The following MTHFD1L variants were observed in gnomAD, a reference collection of about 807,000 sequenced individuals.
MTHFD1L encodes monofunctional C1-tetrahydrofolate synthase, mitochondrial.
MTHFD1L carries 81 observed loss-of-function variants against 119.5 expected under a neutral mutation model. The ratio of observed to expected loss-of-function variants is 0.68; its 90% CI spans 0.57 to 0.82. MTHFD1L has a LOEUF of 0.82. Among genes scored for constraint, MTHFD1L ranks in the 40% least tolerant of loss-of-function variants. The pLI, the probability that MTHFD1L is intolerant of heterozygous loss-of-function variation, is 0.00. For synonymous variants in MTHFD1L, 430 were observed against 475.2 expected (o/e 0.90, Z 1.24); for missense variants, 1,125 against 1,253.4 (o/e 0.90, Z 1.55).
chr6:150,902,417 T>G (rs954965347), intron 7 of MTHFD1L, among the ~76,000 whole-genome samples: 1 of 152,164 alleles, frequency 6.6e-6, no homozygotes, highest in Non-Finnish European at 1.5e-5. Context: ...AAGCAATAAT[T>G]TGTTATGAGA....
intron 24 of MTHFD1L, among the ~76,000 whole-genome samples, chr6:151,027,636 T>C (rs531971483): frequency 6.6e-6 from 1 of 152,106 alleles, no homozygotes; most frequent in African/African-American, 2.4e-5. Flanking sequence ...TTGGCTTTTT[T>C]TTTTTTTTTC....
chr6:150,928,732 C>T (rs1014414737), intron 11 of MTHFD1L, among the ~76,000 whole-genome samples: 12 of 151,788 alleles, frequency 7.9e-5, no homozygotes, highest in East Asian at 2.0e-4. Context: ...TTTATAGAGA[C>T]GGGGTTTCGC....
intron 19 of MTHFD1L, 139 bp downstream of exon 19, chr6:150,965,176 A>T: frequency 1.4e-6 from 1 of 704,814 alleles, no homozygotes; most frequent in Admixed American, 2.2e-5. Flanking sequence ...AGAAAGAGTG[A>T]GGATCTGGTT....
Position 150,922,300 on chromosome 6 carries a change from A to T in MTHFD1L, c.1080A>T (p.Pro360=), listed in dbSNP as rs1789094389. The change falls in exon 10 of 28, where the codon CCA becomes CCT. Residue 360 remains proline (P), a splice_region_variant and synonymous_variant. Coordinates refer to ENST00000367321, the MANE Select transcript of MTHFD1L (RefSeq NM_015440.5). ...CLKLQPLSPV[P]SDIEISRGQT... ...AACTTCAGCCTCTCTCCCCTGTGCC[A>T]AGGTAACACTGGTGTTTTATTTACA... is the stretch of plus-strand genomic sequence containing the variant. The T allele has an allele frequency of 6.2e-7, 1 of 1,613,310 alleles. No individual in the cohort carries two copies. Among genetic ancestry groups the T allele is most frequent in the African/African-American group, 1.3e-5 (1 of 74,912 alleles).
intron 5 of MTHFD1L, among the ~76,000 whole-genome samples, chr6:150,883,753 G>A (rs1232756053): frequency 6.6e-6 from 1 of 152,206 alleles, no homozygotes; most frequent in African/African-American, 2.4e-5. Flanking sequence ...TGGGGGATAA[G>A]CATGCTTCCT....
chr6:150,872,129 G>A (rs985117482), intron 1 of MTHFD1L, among the ~76,000 whole-genome samples: 1 of 152,024 alleles, frequency 6.6e-6, no homozygotes, highest in Non-Finnish European at 1.5e-5. Context: ...GCCCGCCTCG[G>A]CCTCCCAAAG....
In MTHFD1L at chr6:151,065,562, G is replaced by A. The variant is rs943884853; in HGVS notation, c.2848-26905G>A. Among the ~76,000 whole-genome samples, 3 of 152,352 alleles carry A rather than the reference G, an allele frequency of 2.0e-5. No homozygotes were observed. The East Asian group carries it at 5.8e-4, about 29-fold the overall frequency. ...CATTTGTGCTCCGTTCCTCAGCCCT[G>A]CCCCACTGGGAGTGATGCCTTCTGT... is the stretch of plus-strand genomic sequence containing the variant. On this transcript the variant is annotated intron_variant, in intron 26 of 27. Coordinates refer to ENST00000367321, the MANE Select transcript of MTHFD1L (RefSeq NM_015440.5).
intron 16 of MTHFD1L, among the ~76,000 whole-genome samples, chr6:150,950,247 G>C (rs562709685): frequency 7.9e-5 from 12 of 152,218 alleles, no homozygotes; most frequent in Admixed American, 5.9e-4. Context: ...TCTGCTCCCT[G>C]CCTGCTTTCT....
intron 20 of MTHFD1L, among the ~76,000 whole-genome samples, chr6:150,976,469 C>T (rs4869706): frequency 0.028 from 4,209 of 152,288 alleles, 205 homozygotes; most frequent in Admixed American, 0.14. Context: ...GACAAAAAGA[C>T]GTTCATTTCA....
intron 20 of MTHFD1L, among the ~76,000 whole-genome samples, chr6:151,000,145 C>T (rs483403): frequency 0.01 from 1,584 of 152,224 alleles, 15 homozygotes; most frequent in Non-Finnish European, 0.016. Context: ...TGAGACCATC[C>T]TGGCCACATG....
At chr6:151,059,242 A>G (rs117196589) in intron 26 of MTHFD1L, among the ~76,000 whole-genome samples, 4,886 of 151,686 alleles carry the variant, frequency 0.032, 155 homozygotes, top group Admixed American at 0.099. Flanking sequence ...ATGCAGTCTC[A>G]CTCTTTTCCC....
chr6:150,873,052 C>A (rs145526531), intron 1 of MTHFD1L, among the ~76,000 whole-genome samples: 1,839 of 152,234 alleles, frequency 0.012, 35 homozygotes, highest in African/African-American at 0.042. Context: ...CGAGGTGGCT[C>A]ACCCCTGTAA....
chr6:151,037,166 G>C (rs1355233717), intron 26 of MTHFD1L, 49 bp downstream of exon 26: 3 of 1,596,744 alleles, frequency 1.9e-6, no homozygotes, highest in South Asian at 1.1e-5. Flanking sequence ...GCATTGCTGT[G>C]GTGCCTCAAA....
intron 26 of MTHFD1L, among the ~76,000 whole-genome samples, chr6:151,070,264 C>T (rs973801343): frequency 5.3e-5 from 8 of 152,292 alleles, no homozygotes; most frequent in Non-Finnish European, 7.3e-5. Context: ...TGTCTTTCAA[C>T]CTGAGAGTTA....
intron 26 of MTHFD1L, among the ~76,000 whole-genome samples, chr6:151,087,174 A>G (rs959676094): frequency 3.9e-5 from 6 of 152,116 alleles, no homozygotes; most frequent in African/African-American, 1.4e-4. Flanking sequence ...GCTTGAACCC[A>G]CGAGGCGGAG....
chr6:151,055,074 T>C (rs1215182143), intron 26 of MTHFD1L: 1 of 152,188 alleles, frequency 6.6e-6, no homozygotes, highest in East Asian at 1.9e-4. Flanking sequence ...GAGACCAGCC[T>C]GGCCAACGTG....
chr6:151,039,638 C>G lies in MTHFD1L; in HGVS notation c.2847+2521C>G, dbSNP rs151311936. 6.6e-6 allele frequency among the ~76,000 whole-genome samples: 1 copy of G among 152,048 alleles called. No homozygotes were observed. The highest frequency in any genetic ancestry group is 2.4e-5 in the African/African-American group (1 of 41,396). ...ATTCGTTAGAATGGCCTCAGTCAGC[C>G]GGGTGCGGTGGCTCACGCCTGTAAT... On this transcript the variant is annotated intron_variant, in intron 26 of 27. Coordinates refer to ENST00000367321, the MANE Select transcript of MTHFD1L (RefSeq NM_015440.5). This position sits in a 1 kb window ranked among gnomAD's most constrained non-coding sequence, Gnocchi z 4.4.
rs200928626 is a variant in MTHFD1L at position 150,938,742 on chromosome 6, G to A, written c.1437G>A (p.Glu479=). ...GATATGCCCAGGTCATCCCCATGGA[G>A]GAGGTAAGACCTTGAAGAGATGCGG... The part of the protein sequence containing the change: ...GGGYAQVIPM[E]EFNLHLTGDI... The change falls in exon 13 of 28, where the codon GAG becomes GAA. Residue 479 remains glutamate, a synonymous_variant. Transcript: ENST00000367321. 1.4e-5 allele frequency: 23 copies of A among 1,608,152 alleles called. No individual in the cohort carries two copies. The highest frequency in any genetic ancestry group is 2.5e-6 in the Non-Finnish European group (3 of 1,177,576).
chr6:150,883,181 C>T (rs1444302943), intron 5 of MTHFD1L, among the ~76,000 whole-genome samples: 4 of 151,850 alleles, frequency 2.6e-5, no homozygotes, highest in Non-Finnish European at 4.4e-5. Context: ...TACAGGCATG[C>T]GCTACCATGC....
Sources: gnomAD v4.1 joint callset for allele counts (sites outside exome capture counted in the v4.1 genomes callset) on GRCh38, gnomAD v4.1.1 for gene constraint, Gnocchi (gnomAD v3.1) non-coding constraint, MANE v1.5 for transcripts, NCBI Gene and HGNC (gene_info 2026-07-23, HGNC 2026-07-21) for gene names.